HIBADH: variants seen among roughly 807,000 people sequenced by gnomAD.
HIBADH encodes the protein 3-hydroxyisobutyrate dehydrogenase, mitochondrial.
HIBADH carries 25 observed loss-of-function variants against 36.1 expected under a neutral mutation model. The observed-to-expected ratio is 0.69, with a 90% CI of 0.50 to 0.97. The LOEUF (loss-of-function observed/expected upper bound fraction) is 0.97. Among genes scored for constraint, HIBADH ranks in the 50% least tolerant of loss-of-function variants. The pLI is 0.00. For synonymous variants in HIBADH, 160 were observed against 149.5 expected (o/e 1.07, Z -0.51); for missense variants, 421 against 418.0 (o/e 1.01, Z -0.06).
intron 4 of HIBADH, among the ~76,000 whole-genome samples, chr7:27,602,036 A>G (rs1229820678): frequency 1.3e-5 from 2 of 152,154 alleles, no homozygotes; most frequent in African/African-American, 4.8e-5. Context: ...AAGAAACTCC[A>G]AACTTGAATG....
intron 4 of HIBADH, among the ~76,000 whole-genome samples, chr7:27,603,527 A>G (rs1785168494): frequency 6.6e-6 from 1 of 152,148 alleles, no homozygotes; most frequent in Non-Finnish European, 1.5e-5. Context: ...CCTTGCCTAT[A>G]TATTTATAGA....
At chr7:27,530,413 G>C (rs2128182795) in intron 7 of HIBADH, among the ~76,000 whole-genome samples, 1 of 152,114 alleles carries the variant, frequency 6.6e-6, no homozygotes, top group South Asian at 2.1e-4. Context: ...CACCATGTTA[G>C]CCAGGCTGGT....
chr7:27,618,604 C>T (rs1053317407), intron 4 of HIBADH, among the ~76,000 whole-genome samples: 2 of 152,210 alleles, frequency 1.3e-5, no homozygotes, highest in African/African-American at 2.4e-5. Context: ...AGAATTGGTC[C>T]ACTGGTAACC....
chr7:27,646,371 A>C (rs1327661335), intron 2 of HIBADH, among the ~76,000 whole-genome samples: 4 of 152,220 alleles, frequency 2.6e-5, no homozygotes, highest in Non-Finnish European at 5.9e-5. Flanking sequence ...CCGAAGTCAA[A>C]GACCTTTGTT....
intron 2 of HIBADH, among the ~76,000 whole-genome samples, chr7:27,639,085 T>C (rs1440801222): frequency 6.6e-6 from 1 of 152,180 alleles, no homozygotes; most frequent in Non-Finnish European, 1.5e-5. Flanking sequence ...AATCCCATTA[T>C]TGGGTACATA....
chr7:27,538,267 ATTTT>A (rs141534210), intron 6 of HIBADH, 70 bp downstream of exon 6: 1 of 1,158,466 alleles, frequency 8.6e-7, no homozygotes, highest in Admixed American at 1.9e-5. Flanking sequence ...CATGAATATC[ATTTT>A]TTTAACATCA....
chr7:27,589,931 G>C (rs1562633703), intron 4 of HIBADH, among the ~76,000 whole-genome samples: 1 of 152,134 alleles, frequency 6.6e-6, no homozygotes, highest in Non-Finnish European at 1.5e-5. Context: ...TAGAAGTCCT[G>C]TTTTGTGAAC....
Position 27,629,480 on chromosome 7 carries a change from C to A in HIBADH, c.375G>T (p.Lys125Asn). 3 of 1,580,070 alleles carry A rather than the reference C, an allele frequency of 1.9e-6. No homozygotes were observed. Among genetic ancestry groups the A allele is most frequent in the Non-Finnish European group, 2.6e-6 (3 of 1,161,880 alleles). Reference protein sequence around the residue: ...GANGILKKVKKGSLLIDSSTI... With the variant: ...GANGILKKVKNGSLLIDSSTI... ...TGCTGGAATCTATTAATAATGAGCC[C>A]TTCTTCACTTTTCTAAGTAAATAAA... Residue 125 changes from lysine (K) to asparagine (N), a missense_variant, in exon 4 of 8, where the codon AAG becomes AAT. Physicochemically the swap from Lys to Asn is moderately conservative, Grantham distance 94 (BLOSUM62 0). Transcript: ENST00000265395.
intron 1 of HIBADH, among the ~76,000 whole-genome samples, chr7:27,655,403 T>C (rs1201368786): frequency 6.6e-6 from 1 of 152,150 alleles, no homozygotes; most frequent in Non-Finnish European, 1.5e-5. Flanking sequence ...TACTTTCAAA[T>C]GATTCAAGCG....
chr7:27,611,904 T>C (rs1583596487), intron 4 of HIBADH, among the ~76,000 whole-genome samples: 1 of 152,224 alleles, frequency 6.6e-6, no homozygotes, highest in East Asian at 1.9e-4. Context: ...TTCAAATTTC[T>C]GCTTAAATAT....
intron 2 of HIBADH, among the ~76,000 whole-genome samples, chr7:27,646,130 C>T (rs1786065895): frequency 2.0e-5 from 3 of 152,158 alleles, no homozygotes; most frequent in Middle Eastern, 3.4e-3. Context: ...ACTAAACAAC[C>T]CATACAATAG....
intron 4 of HIBADH, among the ~76,000 whole-genome samples, chr7:27,602,171 G>GA (rs35840171): frequency 2.4e-3 from 326 of 133,520 alleles, no homozygotes; most frequent in Middle Eastern, 3.7e-3. Flanking sequence ...CTTCCTCACT[G>GA]AAAAAAAAAA....
intron 1 of HIBADH, among the ~76,000 whole-genome samples, chr7:27,661,521 G>C (rs913454365): frequency 1.4e-5 from 2 of 142,638 alleles, no homozygotes; most frequent in African/African-American, 5.2e-5. Flanking sequence ...CCAGGAGGTC[G>C]AGACTGCAGT....
chr7:27,554,166 A>C (rs1986243), intron 4 of HIBADH, among the ~76,000 whole-genome samples: 65,545 of 152,000 alleles, frequency 0.43, 14,970 homozygotes, highest in East Asian at 0.94. Context: ...TTGTATTTTT[A>C]GTAGAGACAG....
chr7:27,585,186 T>G (rs1784840508), intron 4 of HIBADH, among the ~76,000 whole-genome samples: 1 of 152,000 alleles, frequency 6.6e-6, no homozygotes, highest in Non-Finnish European at 1.5e-5. Flanking sequence ...TGTGTATATA[T>G]GCACACACAT....
Position 27,573,982 on chromosome 7 carries a change from A to G in HIBADH, c.485-30882T>C, listed in dbSNP as rs867297601. ...AAATTACACATGTGGCTTATATTACATTTCTATTGGACAGTGCTACTTTCA... is the reference window on the plus strand; with the variant it reads ...AAATTACACATGTGGCTTATATTACGTTTCTATTGGACAGTGCTACTTTCA... On this transcript the variant is annotated intron_variant, in intron 4 of 7. Transcript: ENST00000265395. Among the ~76,000 whole-genome samples, 30 of 152,268 alleles carry G rather than the reference A, an allele frequency of 2.0e-4. No individual in the cohort carries two copies. In the Middle Eastern group the frequency reaches 0.017, roughly 87 times the overall value.
chr7:27,640,742 C>G (rs1380599519), intron 2 of HIBADH, among the ~76,000 whole-genome samples: 1 of 152,092 alleles, frequency 6.6e-6, no homozygotes, highest in Non-Finnish European at 1.5e-5. Flanking sequence ...ACTTACAGAC[C>G]TTCATGGTGT....
At chr7:27,612,236 TATAA>T in intron 4 of HIBADH, among the ~76,000 whole-genome samples, 1 of 152,234 alleles carries the variant, frequency 6.6e-6, no homozygotes, top group Middle Eastern at 3.4e-3. Context: ...ATAAGGACTA[TATAA>T]ATAATTTCAA....
chr7:27,544,708 C>T (rs773571593), intron 4 of HIBADH, among the ~76,000 whole-genome samples: 1 of 152,116 alleles, frequency 6.6e-6, no homozygotes, highest in Non-Finnish European at 1.5e-5. Flanking sequence ...AGCTTACAAG[C>T]AAATCCAGCA....
Sources: gnomAD v4.1 joint callset for allele counts (sites outside exome capture counted in the v4.1 genomes callset) on GRCh38, gnomAD v4.1.1 for gene constraint, MANE v1.5 for transcripts, NCBI Gene and HGNC (gene_info 2026-07-23, HGNC 2026-07-21) for gene names.